The following MICAL2 variants were observed in gnomAD, a reference collection of about 807,000 sequenced individuals.
MICAL2 encodes microtubule associated monooxygenase, calponin and LIM domain containing 2, also known as [F-actin]-monooxygenase MICAL2.
MICAL2 carries 77 observed loss-of-function variants against 127.3 expected under a neutral mutation model. The ratio of observed to expected loss-of-function variants is 0.60; its 90% CI spans 0.50 to 0.73. MICAL2 has a LOEUF of 0.73. MICAL2 is among the 30% of genes least tolerant of loss of function. The pLI, the probability that MICAL2 is intolerant of heterozygous loss-of-function variation, is 0.00. For synonymous variants in MICAL2, 570 were observed against 551.1 expected (o/e 1.03, Z -0.48); for missense variants, 1,351 against 1,434.4 (o/e 0.94, Z 0.94).
intron 1 of MICAL2, among the ~76,000 whole-genome samples, chr11:12,122,609 A>G (rs1007443209): frequency 6.6e-6 from 1 of 152,070 alleles, no homozygotes; most frequent in Non-Finnish European, 1.5e-5. Flanking sequence ...AGGTTTCTCC[A>G]TGTTGGCCAG....
intron 30 of MICAL2, among the ~76,000 whole-genome samples, chr11:12,321,916 G>A (rs1864302462): frequency 6.6e-6 from 1 of 152,144 alleles, no homozygotes; most frequent in East Asian, 1.9e-4. Context: ...CTATGGAAAA[G>A]TAGAGTAGGT....
intron 27 of MICAL2, chr11:12,263,222 A>C (rs1016434489): frequency 6.6e-6 from 1 of 152,238 alleles, no homozygotes. Context: ...AATTAGAGCC[A>C]TCATCATCCC....
At chr11:12,261,773 G>C in intron 26 of MICAL2, 1 of 985,454 alleles carries the variant, frequency 1.0e-6, no homozygotes, top group Non-Finnish European at 1.2e-6. Context: ...TGTGGGAACT[G>C]GCGCCTCTGT....
intron 32 of MICAL2, among the ~76,000 whole-genome samples, chr11:12,338,153 A>G (rs11022311): frequency 0.41 from 61,933 of 151,850 alleles, 15,266 homozygotes; most frequent in Non-Finnish European, 0.56. Flanking sequence ...TTGGGTGCAT[A>G]TATATTTAGG....
At chr11:12,188,680 G>C (rs1202226408) in intron 3 of MICAL2, among the ~76,000 whole-genome samples, 1 of 152,176 alleles carries the variant, frequency 6.6e-6, no homozygotes, top group Non-Finnish European at 1.5e-5. Flanking sequence ...ACAGTAGAAA[G>C]AGCATAATGG....
intron 3 of MICAL2, among the ~76,000 whole-genome samples, chr11:12,193,257 C>T (rs181656876): frequency 7.3e-4 from 111 of 152,314 alleles, no homozygotes; most frequent in African/African-American, 2.6e-3. Context: ...ACATAGCAGC[C>T]GGTCCAGATA....
chr11:12,346,721 A>G lies in MICAL2; in HGVS notation c.5516-3117A>G, dbSNP rs149078429. On this transcript the variant is annotated intron_variant, in intron 32 of 34. Transcript: ENST00000646065. ...TATTTGGCTACGTTGGTTTTCCCCA[A>G]TGGACCATGAGCTCCCAGTTACCTA... Among the ~76,000 whole-genome samples the G allele has an allele frequency of 1.8e-3, 267 of 152,268 alleles. 1 individual carries two copies. The highest frequency in any genetic ancestry group is 5.9e-3 in the African/African-American group (244 of 41,558).
chr11:12,139,640 C>T (rs544852043), intron 2 of MICAL2, among the ~76,000 whole-genome samples: 1 of 152,306 alleles, frequency 6.6e-6, no homozygotes, highest in Non-Finnish European at 1.5e-5. Context: ...AAAGCTGCTC[C>T]AGGAATTCTC....
chr11:12,152,268 A>G (rs1853664056), intron 2 of MICAL2, among the ~76,000 whole-genome samples: 1 of 129,228 alleles, frequency 7.7e-6, no homozygotes, highest in Admixed American at 8.9e-5. Flanking sequence ...ACTGCACTCT[A>G]GCTTTGGCAA....
rs116915798 is a variant in MICAL2, at chr11:12,323,774, G to A, written c.5329-204G>A. Among the ~76,000 whole-genome samples the A allele has an allele frequency of 3.7e-3, 564 of 152,200 alleles. 2 individuals are homozygous for A. Among genetic ancestry groups the A allele is most frequent in the Non-Finnish European group, 6.0e-3 (410 of 67,998 alleles). On this transcript the variant is annotated intron_variant, in intron 30 of 34. Coordinates refer to the MICAL2 transcript ENST00000646065. Reference sequence around the variant, plus strand: ...ACTTCAAGTGTCCACTAGCCACATGGGGCTTGTGGCTTCTGTATTTCAGAC... The same window carrying A: ...ACTTCAAGTGTCCACTAGCCACATGAGGCTTGTGGCTTCTGTATTTCAGAC...
intron 3 of MICAL2, among the ~76,000 whole-genome samples, chr11:12,192,915 C>G (rs1859396154): frequency 6.6e-6 from 1 of 152,166 alleles, no homozygotes; most frequent in South Asian, 2.1e-4. Context: ...GACTCCATCC[C>G]CATAACAACC....
intron 2 of MICAL2, among the ~76,000 whole-genome samples, chr11:12,154,386 G>C (rs1261721820): frequency 2.6e-5 from 4 of 152,140 alleles, no homozygotes; most frequent in Non-Finnish European, 4.4e-5. Flanking sequence ...CTGTTGTTGA[G>C]ATGGACAGTC....
At chr11:12,289,921 T>C (rs1863875778), downstream of MICAL2, among the ~76,000 whole-genome samples, 1 of 152,166 alleles carries the variant, frequency 6.6e-6, no homozygotes, top group Non-Finnish European at 1.5e-5. Flanking sequence ...CCCATGAAGC[T>C]GCACCAGACA....
chr11:12,221,664 A>G lies in MICAL2; in HGVS notation c.1227A>G (p.Thr409=). Residue 409 remains threonine, a synonymous_variant, in exon 10 of 28, where the codon ACA becomes ACG. Transcript: ENST00000683283. ...SLLEPFWPMG[T]GCARGFLAAF... ...TGCAGCCATTTTGGCCCATGGGTAC[A>G]GGCTGTGCCCGTGGCTTCCTGGCAG... is the stretch of plus-strand genomic sequence containing the variant. 6.2e-7 allele frequency: 1 copy of G among 1,613,488 alleles called. No homozygotes were observed. Among genetic ancestry groups the G allele is most frequent in the Non-Finnish European group, 8.5e-7 (1 of 1,179,628 alleles).
chr11:12,148,756 A>G (rs576053441), intron 2 of MICAL2, among the ~76,000 whole-genome samples: 2 of 152,238 alleles, frequency 1.3e-5, no homozygotes, highest in Non-Finnish European at 2.9e-5. Flanking sequence ...AAGTAGATCA[A>G]TGCAAGGGTA....
rs1856663323 is a variant in MICAL2 at position 12,220,264 on chromosome 11, T to C, written c.1012T>C (p.Tyr338His). The change falls in exon 9 of 28, where the codon TAT (tyrosine) becomes CAT (histidine). Residue 338 changes from tyrosine to histidine, a missense_variant. Tyr to His is a moderately conservative substitution (Grantham distance 83). This residue lies in a region of MICAL2 where 599 missense variants were observed against 714.9 expected (regional missense o/e 0.84). Coordinates refer to ENST00000683283, the MANE Select transcript of MICAL2 (RefSeq NM_001282663.2). ...ENVNQDNLLS[Y>H]AREAADFATN... ...CGTGAACCAAGACAACCTGCTATCCTATGCCCGGGAAGCTGCAGACTTTGC... is the reference window on the plus strand; with the variant it reads ...CGTGAACCAAGACAACCTGCTATCCCATGCCCGGGAAGCTGCAGACTTTGC... 2 of 1,614,108 alleles carry C rather than the reference T, an allele frequency of 1.2e-6. No individual in the cohort carries two copies. The highest frequency in any genetic ancestry group is 2.7e-5 in the African/African-American group (2 of 74,930).
Position 12,222,731 on chromosome 11 carries a change from C to T in MICAL2, c.1437C>T (p.Val479=), listed in dbSNP as rs1159600560. 4 of 1,614,098 alleles carry T rather than the reference C, an allele frequency of 2.5e-6. No homozygotes were observed. The highest frequency in any genetic ancestry group is 2.5e-6 in the Non-Finnish European group (3 of 1,180,046). The change falls in exon 11 of 28, where the codon GTC becomes GTT. Residue 479 remains valine (V), a synonymous_variant. Transcript: ENST00000683283. Reference sequence around the variant, plus strand: ...ACCCAAACCTCAACTCACACTGTGTCAGGCCCCATCAGGCAAGTCCATTGC... The same window carrying T: ...ACCCAAACCTCAACTCACACTGTGTTAGGCCCCATCAGGCAAGTCCATTGC... The part of the protein sequence containing the change: ...TRYPNLNSHC[V]RPHQVKHLYI...
intron 15 of MICAL2, among the ~76,000 whole-genome samples, chr11:12,227,867 C>T (rs1308663072): frequency 2.0e-5 from 3 of 152,156 alleles, no homozygotes; most frequent in Admixed American, 2.0e-4. Flanking sequence ...TAGTGTTTTC[C>T]TAGAAAATTA....
At chr11:12,333,912 C>A (rs1439574254) in intron 32 of MICAL2, among the ~76,000 whole-genome samples, 1 of 152,040 alleles carries the variant, frequency 6.6e-6, no homozygotes, top group Non-Finnish European at 1.5e-5. Flanking sequence ...TTGATATAAG[C>A]CATCAGTAGC....
Sources: gnomAD v4.1 joint callset for allele counts (sites outside exome capture counted in the v4.1 genomes callset) on GRCh38, gnomAD v4.1.1 for gene constraint, gnomAD v4.1.1 regional missense constraint, MANE v1.5 for transcripts, NCBI Gene and HGNC (gene_info 2026-07-23, HGNC 2026-07-21) for gene names.